NTRK3: variants seen among roughly 807,000 people sequenced by gnomAD.
The protein encoded by NTRK3 is NT-3 growth factor receptor.
Under a neutral mutation model 91.7 loss-of-function variants are expected in NTRK3, and 24 were observed. The observed-to-expected ratio is 0.26, with a 90% CI of 0.19 to 0.37. The LOEUF is 0.37. Ranked by LOEUF, NTRK3 falls within the 10% of genes least tolerant of loss-of-function variation. The pLI, the probability that NTRK3 is intolerant of heterozygous loss-of-function variation, is 1.00. For synonymous variants in NTRK3, 483 were observed against 404.0 expected, an observed-to-expected ratio of 1.20 and a Z score of -2.34; for missense variants, 880 against 1,068.9, an observed-to-expected ratio of 0.82 and a Z score of 2.46.
At chr15:88,072,574 C>A (rs2047186164) in intron 13 of NTRK3, 1 of 232,348 alleles carries the variant, frequency 4.3e-6, no homozygotes, top group Admixed American at 5.6e-5. Context: ...CACATTTAAG[C>A]AAGACAGCCA....
chr15:88,136,529 C>G (rs2151209684), exon 8 of NTRK3: 1 of 1,614,034 alleles, frequency 6.2e-7, no homozygotes, highest in Non-Finnish European at 8.5e-7. Context: ...AGGGGTGATC[C>G]AGAGCCATTG....
At chr15:88,006,568 A>G (rs1596650718) in intron 14 of NTRK3, among the ~76,000 whole-genome samples, 2 of 152,332 alleles carry the variant, frequency 1.3e-5, no homozygotes, top group Non-Finnish European at 2.9e-5. Context: ...CACAGGACAC[A>G]TGTGGCTTCA....
At chr15:88,054,977 T>A (rs955042135) in intron 13 of NTRK3, among the ~76,000 whole-genome samples, 1 of 152,076 alleles carries the variant, frequency 6.6e-6, no homozygotes, top group Non-Finnish European at 1.5e-5. Flanking sequence ...AGGTAGAAAT[T>A]AACAGAGCTG....
intron 13 of NTRK3, among the ~76,000 whole-genome samples, chr15:88,105,888 G>A (rs2150923630): frequency 6.6e-6 from 1 of 152,288 alleles, no homozygotes; most frequent in Middle Eastern, 3.4e-3. Context: ...GTTTACAGAT[G>A]AGGACAGCAG....
At chr15:88,210,494 T>C (rs2049148642) in intron 3 of NTRK3, among the ~76,000 whole-genome samples, 1 of 152,256 alleles carries the variant, frequency 6.6e-6, no homozygotes, top group Admixed American at 6.5e-5. Context: ...AATTGGTTTC[T>C]TGCCTTTGCA....
At chr15:87,890,436 C>T (rs1246936272) in intron 17 of NTRK3, among the ~76,000 whole-genome samples, 1 of 152,154 alleles carries the variant, frequency 6.6e-6, no homozygotes, top group Non-Finnish European at 1.5e-5. Context: ...ACTGTTTATA[C>T]AGGACCGGTA....
chr15:88,151,135 T>C (rs2043337171), intron 5 of NTRK3, among the ~76,000 whole-genome samples: 1 of 152,150 alleles, frequency 6.6e-6, no homozygotes, highest in Admixed American at 6.5e-5. Context: ...CATCTGACCA[T>C]TGAATTAATT....
At chr15:88,084,749 T>C (rs1262444221) in intron 13 of NTRK3, among the ~76,000 whole-genome samples, 1 of 152,164 alleles carries the variant, frequency 6.6e-6, no homozygotes, top group Non-Finnish European at 1.5e-5. Flanking sequence ...GGACAGTAAA[T>C]GAGTGCTCCA....
intron 14 of NTRK3, among the ~76,000 whole-genome samples, chr15:87,975,578 G>A (rs891652507): frequency 6.6e-6 from 1 of 152,130 alleles, no homozygotes; most frequent in African/African-American, 2.4e-5. Context: ...CATCTTTCTG[G>A]GCTGAGTTCA....
intron 18 of NTRK3, among the ~76,000 whole-genome samples, chr15:87,880,024 AAC>A (rs1301293656): frequency 5.9e-5 from 9 of 152,212 alleles, no homozygotes; most frequent in African/African-American, 2.2e-4. Flanking sequence ...TAGCAGATTT[AAC>A]AGAGGCATGA....
intron 14 of NTRK3, among the ~76,000 whole-genome samples, chr15:87,949,344 T>C (rs1327681953): frequency 1.3e-5 from 2 of 152,150 alleles, no homozygotes; most frequent in East Asian, 1.9e-4. Flanking sequence ...CCCAGACTTC[T>C]AAACAAAGTG....
intron 13 of NTRK3, among the ~76,000 whole-genome samples, chr15:88,107,152 T>G (rs2050804446): frequency 6.6e-6 from 1 of 152,108 alleles, no homozygotes; most frequent in Non-Finnish European, 1.5e-5. Flanking sequence ...TTTATAAAAA[T>G]AAGTCCACAG....
intron 13 of NTRK3, among the ~76,000 whole-genome samples, chr15:88,089,148 G>A (rs78969903): frequency 0.025 from 3,727 of 151,856 alleles, 149 homozygotes; most frequent in African/African-American, 0.08. Context: ...TGACGGGGGC[G>A]GTGGGGGAGA....
At chr15:87,961,799 C>G (rs993189106) in intron 14 of NTRK3, among the ~76,000 whole-genome samples, 18 of 152,266 alleles carry the variant, frequency 1.2e-4, no homozygotes, top group Non-Finnish European at 2.6e-4. Context: ...ACCCCTGATT[C>G]AATCCACCTA....
At chr15:88,105,643 A>T (rs571030072) in intron 13 of NTRK3, among the ~76,000 whole-genome samples, 1 of 152,156 alleles carries the variant, frequency 6.6e-6, no homozygotes, top group African/African-American at 2.4e-5. Context: ...AATAAAAACA[A>T]CTCCATAAAG....
intron 15 of NTRK3, among the ~76,000 whole-genome samples, chr15:87,940,377 G>T (rs182949790): frequency 2.0e-5 from 3 of 152,300 alleles, no homozygotes; most frequent in African/African-American, 7.2e-5. Flanking sequence ...AAGGACCAGG[G>T]TCATTTACAA....
At chr15:87,982,720 G>C (rs16941103) in intron 14 of NTRK3, among the ~76,000 whole-genome samples, 1 of 152,094 alleles carries the variant, frequency 6.6e-6, no homozygotes, top group Non-Finnish European at 1.5e-5. Context: ...AGAGCTGGTT[G>C]AATCTCTAAA....
At chr15:88,135,365 C>G (rs1305137414) in exon 10 of NTRK3, 2 of 1,614,104 alleles carry the variant, frequency 1.2e-6, no homozygotes, top group Admixed American at 3.3e-5. Flanking sequence ...AGGCGCAGCT[C>G]AGGCTCCTCC....
At position 88,006,276 on chromosome 15, in the gene NTRK3, G is replaced by C. The variant is rs190880911; in HGVS notation, c.1585+26581C>G. Reference sequence around the variant, plus strand: ...CACCCCCACCGTAAGAGTGTTCCTCGGGAAAGGGATTTAAATTACACAGGG... The same window carrying C: ...CACCCCCACCGTAAGAGTGTTCCTCCGGAAAGGGATTTAAATTACACAGGG... On this transcript the variant is annotated intron_variant, in intron 14 of 18. Transcript: ENST00000394480. 2.6e-5 allele frequency among the ~76,000 whole-genome samples: 4 copies of C among 152,184 alleles called. No individual in the cohort carries two copies. The East Asian group carries it at 7.7e-4, about 29-fold the overall frequency.
Sources: allele counts gnomAD v4.1 joint callset (sites outside exome capture counted in the v4.1 genomes callset), GRCh38; gene constraint gnomAD v4.1.1; transcripts MANE v1.5; gene names NCBI Gene and HGNC (gene_info 2026-07-23, HGNC 2026-07-21).